The following MRPL48 variants were observed in gnomAD, a reference collection of about 807,000 sequenced individuals.
MRPL48 encodes the protein large ribosomal subunit protein mL48.
A neutral mutation model predicts 32.9 loss-of-function variants in MRPL48; 16 were observed. The observed-to-expected ratio is 0.49, with a 90% CI of 0.33 to 0.74. The LOEUF is 0.74. Ranked by LOEUF, MRPL48 falls within the 30% of genes least tolerant of loss-of-function variation. The pLI, the probability that MRPL48 is intolerant of heterozygous loss-of-function variation, is 0.02. For synonymous variants in MRPL48, 94 were observed against 89.2 expected, an observed-to-expected ratio of 1.05 and a Z score of -0.31; for missense variants, 206 against 245.3, an observed-to-expected ratio of 0.84 and a Z score of 1.07.
At position 73,808,347 on chromosome 11, in the gene MRPL48, G is replaced by A; in HGVS notation, c.109G>A (p.Val37Ile). 6.2e-7 allele frequency: 1 copy of A among 1,607,962 alleles called. No homozygotes were observed. Among genetic ancestry groups the A allele is most frequent in the Non-Finnish European group, 8.5e-7 (1 of 1,176,562 alleles). Residue 37 changes from valine (V) to isoleucine (I), a missense_variant, in exon 3 of 8, where the codon GTA becomes ATA. By Grantham distance (29) the Val-to-Ile change is conservative. Coordinates refer to ENST00000310614, the MANE Select transcript of MRPL48 (RefSeq NM_016055.6). Reference sequence around the variant, plus strand: ...TTCAGGAGAGAAGCCCATCTATTCTGTAGGTAAGCAGTTTTTACCTGATGT... The same window carrying A: ...TTCAGGAGAGAAGCCCATCTATTCTATAGGTAAGCAGTTTTTACCTGATGT... ...RTSGEKPIYS[V>I]GGILLSISRP... is the part of the protein sequence containing the mutation.
intron 3 of MRPL48, among the ~76,000 whole-genome samples, chr11:73,823,698 A>G (rs1424269226): frequency 1.3e-5 from 1 of 74,940 alleles, no homozygotes; most frequent in Non-Finnish European, 2.6e-5. Context: ...GGATCTTCTT[A>G]TGTTGCCCGG....
chr11:73,848,825 T>A (rs1948341159), intron 5 of MRPL48, among the ~76,000 whole-genome samples: 1 of 152,040 alleles, frequency 6.6e-6, no homozygotes. Flanking sequence ...GTAATTTTTT[T>A]TTTTTAATTT....
intron 5 of MRPL48, among the ~76,000 whole-genome samples, chr11:73,849,050 G>A (rs1224421743): frequency 6.6e-6 from 1 of 152,132 alleles, no homozygotes; most frequent in African/African-American, 2.4e-5. Context: ...TCGGACTCCT[G>A]AAGTCAGGCA....
intron 1 of MRPL48, among the ~76,000 whole-genome samples, chr11:73,790,771 C>T (rs1420907990): frequency 6.6e-6 from 1 of 151,922 alleles, no homozygotes; most frequent in Non-Finnish European, 1.5e-5. Flanking sequence ...AAGCAGTCCT[C>T]CCACCTTGGC....
chr11:73,863,603 A>G (rs2135096666), intron 7 of MRPL48, among the ~76,000 whole-genome samples: 1 of 152,354 alleles, frequency 6.6e-6, no homozygotes, highest in East Asian at 1.9e-4. Flanking sequence ...CAGAACACAA[A>G]TAGGAAAATA....
chr11:73,825,622 G>A (rs1590966055), intron 3 of MRPL48, 86 bp from the exon 4 acceptor site: 2 of 1,186,450 alleles, frequency 1.7e-6, no homozygotes, highest in East Asian at 5.3e-5. Context: ...TCCCAGCTTG[G>A]GTGACAGAGC....
chr11:73,821,647 G>T (rs533173031), intron 3 of MRPL48, among the ~76,000 whole-genome samples: 1 of 152,060 alleles, frequency 6.6e-6, no homozygotes, highest in Non-Finnish European at 1.5e-5. Flanking sequence ...TGCCCCTCCC[G>T]TGTACAGTGC....
intron 2 of MRPL48, among the ~76,000 whole-genome samples, chr11:73,807,844 G>T (rs1188576220): frequency 6.6e-6 from 1 of 152,002 alleles, no homozygotes; most frequent in East Asian, 1.9e-4. Flanking sequence ...TCGCCATATT[G>T]GGCAGGCTAG....
At chr11:73,829,266 T>G (rs575956006) in intron 4 of MRPL48, among the ~76,000 whole-genome samples, 10 of 152,322 alleles carry the variant, frequency 6.6e-5, no homozygotes, top group African/African-American at 2.4e-4. Flanking sequence ...CCTTTAAATC[T>G]CAGTGAGAAA....
At chr11:73,830,249 T>A (rs750745638) in intron 4 of MRPL48, among the ~76,000 whole-genome samples, 4 of 152,194 alleles carry the variant, frequency 2.6e-5, no homozygotes, top group Non-Finnish European at 5.9e-5. Flanking sequence ...TAAATCAGAT[T>A]TATCAAATAT....
chr11:73,793,435 T>G (rs1461303990), intron 1 of MRPL48, among the ~76,000 whole-genome samples: 1 of 152,178 alleles, frequency 6.6e-6, no homozygotes. Flanking sequence ...ATGCTGCAAA[T>G]GAAAGATTCA....
chr11:73,803,794 A>G (rs1947398576), intron 1 of MRPL48, among the ~76,000 whole-genome samples: 1 of 152,158 alleles, frequency 6.6e-6, no homozygotes, highest in Non-Finnish European at 1.5e-5. Flanking sequence ...TGTTTGGAAG[A>G]CTGAAGCAAG....
In MRPL48 at chr11:73,857,571, C is replaced by T. The variant is rs73541905; in HGVS notation, c.372-2336C>T. ...CTCACATTATAGGTGGGAGCCACCA[C>T]GCCTGGCCGCATAGACTTTTTTTTT... On this transcript the variant is annotated intron_variant, in intron 5 of 7. Coordinates refer to ENST00000310614, the MANE Select transcript of MRPL48 (RefSeq NM_016055.6). Among the ~76,000 whole-genome samples the T allele has an allele frequency of 3.7e-3, 553 of 150,332 alleles. 4 individuals are homozygous for T. The highest frequency in any genetic ancestry group is 0.013 in the African/African-American group (520 of 40,912).
chr11:73,834,174 C>T (rs1172579514), intron 4 of MRPL48, among the ~76,000 whole-genome samples: 1 of 152,144 alleles, frequency 6.6e-6, no homozygotes, highest in African/African-American at 2.4e-5. Context: ...TTCAACTCAA[C>T]ATTTAATAAT....
intron 5 of MRPL48, among the ~76,000 whole-genome samples, chr11:73,859,342 C>T (rs142176646): frequency 4.6e-4 from 69 of 150,768 alleles, no homozygotes; most frequent in Middle Eastern, 3.4e-3. Context: ...AGTGCAGTGG[C>T]GCAATCTTGG....
At chr11:73,855,089 T>C (rs1400725258) in intron 5 of MRPL48, among the ~76,000 whole-genome samples, 2 of 152,176 alleles carry the variant, frequency 1.3e-5, no homozygotes, top group East Asian at 3.9e-4. Context: ...GCTGCTATTA[T>C]TATTACTATT....
At chr11:73,825,383 C>T (rs1435911029) in intron 3 of MRPL48, among the ~76,000 whole-genome samples, 1 of 150,694 alleles carries the variant, frequency 6.6e-6, no homozygotes, top group Non-Finnish European at 1.5e-5. Context: ...TGGCTCACAC[C>T]TGTAATCCTG....
chr11:73,843,870 G>A (rs553793909), intron 4 of MRPL48, among the ~76,000 whole-genome samples: 113 of 152,230 alleles, frequency 7.4e-4, no homozygotes, highest in Non-Finnish European at 1.3e-3. Context: ...CCTGAGGTCA[G>A]GAGTTCGAGA....
intron 1 of MRPL48, among the ~76,000 whole-genome samples, chr11:73,790,601 G>T (rs1409141391): frequency 6.6e-6 from 1 of 151,558 alleles, no homozygotes; most frequent in Non-Finnish European, 1.5e-5. Context: ...AGCTAGGATG[G>T]TCTCGATCTC....
Sources: allele counts gnomAD v4.1 joint callset (sites outside exome capture counted in the v4.1 genomes callset), GRCh38; gene constraint gnomAD v4.1.1; transcripts MANE v1.5; gene names NCBI Gene and HGNC (gene_info 2026-07-23, HGNC 2026-07-21).